WDFY4: variants seen among roughly 807,000 people sequenced by gnomAD.
The protein encoded by WDFY4 is WDFY family member 4.
Under a neutral mutation model 351.9 loss-of-function variants are expected in WDFY4, and 169 were observed. The ratio of observed to expected loss-of-function variants is 0.48; its 90% CI spans 0.42 to 0.55. The LOEUF (loss-of-function observed/expected upper bound fraction) is 0.55, where lower values mean the gene tolerates loss of function less well. Ranked by LOEUF, WDFY4 falls within the 20% of genes least tolerant of loss-of-function variation. WDFY4 has a pLI of 0.00. For synonymous variants in WDFY4, 1,622 were observed against 1,574.6 expected, an observed-to-expected ratio of 1.03 and a Z score of -0.71; for missense variants, 3,803 against 3,935.6, an observed-to-expected ratio of 0.97 and a Z score of 0.90.
chr10:48,811,620 C>G lies in WDFY4; in HGVS notation c.5126C>G (p.Ala1709Gly). 6.4e-7 allele frequency: 1 copy of G among 1,552,030 alleles called. No homozygotes were observed. The highest frequency in any genetic ancestry group is 8.7e-7 in the Non-Finnish European group (1 of 1,147,072). ...PGFRVLNDFL[A>G]HHVHIPEVYL... is the part of the protein sequence containing the mutation. Reference sequence around the variant, plus strand: ...TTCCGTGTCTTGAATGACTTTCTGGCCCACCACGTCCACATTCCAGAGGTC... The same window carrying G: ...TTCCGTGTCTTGAATGACTTTCTGGGCCACCACGTCCACATTCCAGAGGTC... Residue 1709 changes from alanine to glycine, a missense_variant, in exon 30 of 62, where the codon GCC becomes GGC. Ala to Gly is a moderately conservative substitution (Grantham distance 60). Transcript: ENST00000325239.
At chr10:48,962,504 G>A (rs1841905492) in intron 53 of WDFY4, among the ~76,000 whole-genome samples, 1 of 152,192 alleles carries the variant, frequency 6.6e-6, no homozygotes, top group African/African-American at 2.4e-5. Context: ...GATAGACTGT[G>A]ATATCGAGAC....
intron 47 of WDFY4, among the ~76,000 whole-genome samples, chr10:48,917,495 C>G (rs150737152): frequency 5.3e-5 from 8 of 152,080 alleles, no homozygotes; most frequent in Admixed American, 5.2e-4. Flanking sequence ...TGAAAGCTGC[C>G]GGAGAACAAT....
At chr10:48,937,753 T>A (rs887896141) in intron 47 of WDFY4, among the ~76,000 whole-genome samples, 1 of 152,168 alleles carries the variant, frequency 6.6e-6, no homozygotes, top group Non-Finnish European at 1.5e-5. Context: ...TCCAGCAGGG[T>A]GTCTCTGGTT....
chr10:48,950,045 G>T (rs190053695), intron 51 of WDFY4, among the ~76,000 whole-genome samples: 23 of 152,124 alleles, frequency 1.5e-4, no homozygotes, highest in African/African-American at 5.6e-4. Flanking sequence ...TGGAAAATAT[G>T]CATAATAAGA....
At chr10:48,744,752 C>G (rs547288932) in intron 12 of WDFY4, among the ~76,000 whole-genome samples, 9 of 152,310 alleles carry the variant, frequency 5.9e-5, no homozygotes, top group African/African-American at 2.2e-4. Context: ...CATGAGAATG[C>G]ACTTCTGTTT....
rs117309780 is a variant in WDFY4 at position 48,740,706 on chromosome 10, T to C, written c.1879-2262T>C. Among the ~76,000 whole-genome samples the C allele has an allele frequency of 3.3e-3, 505 of 152,312 alleles. 2 individuals carry two copies. The highest frequency in any genetic ancestry group is 6.8e-3 in the Middle Eastern group (2 of 294). ...GGAGAAAGCAGTATCATTGCCCCCA[T>C]CTTTCAGGTGGCCTGGGAAGTCAAT... is the stretch of plus-strand genomic sequence containing the variant. On this transcript the variant is annotated intron_variant, in intron 11 of 61. Transcript: ENST00000325239.
At chr10:48,716,140 C>T (rs1342001392) in intron 2 of WDFY4, among the ~76,000 whole-genome samples, 1 of 152,070 alleles carries the variant, frequency 6.6e-6, no homozygotes, top group Non-Finnish European at 1.5e-5. Context: ...GGGTCTACTG[C>T]ATCACACTCG....
intron 12 of WDFY4, among the ~76,000 whole-genome samples, chr10:48,745,326 T>C (rs2064976348): frequency 6.6e-6 from 1 of 152,182 alleles, no homozygotes; most frequent in Non-Finnish European, 1.5e-5. Flanking sequence ...TGAGGTTGAC[T>C]TCATGGCCCT....
At position 48,796,237 on chromosome 10, in the gene WDFY4, G is replaced by C. The variant is rs547149808; in HGVS notation, c.4258-61G>C. ...TTGCAGACTGGACTGGGACAAGTGG[G>C]TGAAGGGGAAATCTCTAATGATGCA... On this transcript the variant is annotated intron_variant, in intron 23 of 61. Coordinates refer to ENST00000325239, the MANE Select transcript of WDFY4 (RefSeq NM_001394531.1). 7.3e-6 allele frequency: 11 copies of C among 1,506,088 alleles called. No homozygotes were observed. In the African/African-American group the frequency reaches 1.4e-4, roughly 19 times the overall value. 93.3% of individuals were successfully genotyped at this position (1,506,088 alleles called of 1,614,324 possible).
At chr10:48,691,751 A>G (rs541740308) in intron 1 of WDFY4, among the ~76,000 whole-genome samples, 15 of 152,244 alleles carry the variant, frequency 9.9e-5, no homozygotes, top group Non-Finnish European at 1.3e-4. Context: ...CAAACTAGAA[A>G]GGGAAATGTA....
intron 1 of WDFY4, among the ~76,000 whole-genome samples, chr10:48,702,342 A>G (rs769551718): frequency 2.0e-5 from 3 of 152,212 alleles, no homozygotes; most frequent in Non-Finnish European, 4.4e-5. Flanking sequence ...TTCAAGAAAC[A>G]GGACATTTCT....
At chr10:48,697,179 C>T (rs1263358818) in intron 1 of WDFY4, among the ~76,000 whole-genome samples, 6 of 152,222 alleles carry the variant, frequency 3.9e-5, no homozygotes, top group Admixed American at 3.9e-4. Flanking sequence ...TCAGGTCTCA[C>T]CCAGCTCACA....
At chr10:48,933,647 T>C (rs564270129) in intron 47 of WDFY4, among the ~76,000 whole-genome samples, 1 of 152,246 alleles carries the variant, frequency 6.6e-6, no homozygotes, top group South Asian at 2.1e-4. Context: ...GACCCAGTTC[T>C]AGGGGCTGAG....
chr10:48,870,392 A>G (rs181350613), intron 40 of WDFY4, among the ~76,000 whole-genome samples: 1 of 152,284 alleles, frequency 6.6e-6, no homozygotes, highest in Non-Finnish European at 1.5e-5. Context: ...TTAAAAAGAC[A>G]TTAGCCATGT....
At chr10:48,976,681 G>A in intron 58 of WDFY4, 116 bp from the exon 59 acceptor site, 1 of 966,432 alleles carries the variant, frequency 1.0e-6, no homozygotes, top group Non-Finnish European at 1.4e-6. Flanking sequence ...TACCTTGGGG[G>A]TCTTCAGAGC....
chr10:48,771,222 A>G (rs2065854756), intron 13 of WDFY4, among the ~76,000 whole-genome samples: 1 of 152,194 alleles, frequency 6.6e-6, no homozygotes, highest in African/African-American at 2.4e-5. Flanking sequence ...TCCTTGAAAC[A>G]TATGTGCTAC....
chr10:48,727,163 A>C (rs2064297418), intron 6 of WDFY4, among the ~76,000 whole-genome samples: 1 of 152,200 alleles, frequency 6.6e-6, no homozygotes, highest in Non-Finnish European at 1.5e-5. Flanking sequence ...AGATGAGCTC[A>C]GGTCTTGCAT....
At chr10:48,762,110 C>T (rs578122155) in intron 13 of WDFY4, among the ~76,000 whole-genome samples, 26 of 152,268 alleles carry the variant, frequency 1.7e-4, no homozygotes, top group Admixed American at 5.9e-4. Context: ...GGAGTTCAGA[C>T]GGAGGCAACA....
rs12268007 is a variant in WDFY4 at position 48,817,401 on chromosome 10, G to A, written c.5497G>A (p.Ala1833Thr). The change falls in exon 32 of 62, where the codon GCC (alanine) becomes ACC (threonine). Residue 1833 changes from alanine (A) to threonine (T), a missense_variant. Ala to Thr is a moderately conservative substitution (Grantham distance 58). Around this residue, in one of 3 missense-constraint regions of WDFY4, gnomAD observed 3,054 missense variants for 3,148.6 expected, o/e 0.97. Coordinates refer to ENST00000325239, the MANE Select transcript of WDFY4 (RefSeq NM_001394531.1). ...GGCCATAGCCGCCTTCCCCCTGGGAGCCCAAAAGGTAGGACATGCTGCTGT... is the reference window on the plus strand; with the variant it reads ...GGCCATAGCCGCCTTCCCCCTGGGAACCCAAAAGGTAGGACATGCTGCTGT... The part of the protein sequence containing the change: ...TLAIAAFPLG[A>T]QKGVGAESTR... 1.9e-6 allele frequency: 3 copies of A among 1,549,832 alleles called. No individual in the cohort carries two copies. In the East Asian group the frequency reaches 7.3e-5, roughly 38 times the overall value.
Sources: gnomAD v4.1 joint callset for allele counts (sites outside exome capture counted in the v4.1 genomes callset) on GRCh38, gnomAD v4.1.1 for gene constraint, gnomAD v4.1.1 regional missense constraint, MANE v1.5 for transcripts, NCBI Gene and HGNC (gene_info 2026-07-23, HGNC 2026-07-21) for gene names.